B3GAT3: variants seen among roughly 807,000 people sequenced by gnomAD.
B3GAT3 encodes the protein galactosylgalactosylxylosylprotein 3-beta-glucuronosyltransferase 3.
Under a neutral mutation model 33.1 loss-of-function variants are expected in B3GAT3, and 19 were observed. That is an observed-to-expected ratio of 0.57 (90% confidence interval 0.40 to 0.84). The LOEUF (loss-of-function observed/expected upper bound fraction) is 0.84. Among genes scored for constraint, B3GAT3 ranks in the 40% least tolerant of loss-of-function variants. B3GAT3 has a pLI of 0.00. For synonymous variants in B3GAT3, 167 were observed against 193.5 expected, an observed-to-expected ratio of 0.86 and a Z score of 1.14; for missense variants, 344 against 441.5, an observed-to-expected ratio of 0.78 and a Z score of 1.98.
intron 1 of B3GAT3, chr11:62,621,099 G>A: frequency 2.2e-6 from 1 of 462,004 alleles, no homozygotes; most frequent in Non-Finnish European, 4.3e-6. Context: ...TTGCATAAGG[G>A]GCAGGGTTCG....
At chr11:62,619,686 C>T (rs1943105448) in intron 2 of B3GAT3, among the ~76,000 whole-genome samples, 1 of 131,202 alleles carries the variant, frequency 7.6e-6, no homozygotes, top group Non-Finnish European at 1.6e-5. Flanking sequence ...CATGCACCAT[C>T]ACGCCTAGCT....
At chr11:62,617,376 A>G in intron 2 of B3GAT3, 29 bp from the exon 3 acceptor site, 2 of 1,607,638 alleles carry the variant, frequency 1.2e-6, no homozygotes, top group Non-Finnish European at 1.7e-6. Context: ...GCACAAGGAA[A>G]AGGGGCAGGC....
rs1193371852 is a variant in B3GAT3 at position 62,615,669 on chromosome 11, G to C, written c.*32C>G. 6.2e-7 allele frequency: 1 copy of C among 1,607,064 alleles called. No individual in the cohort carries two copies. The highest frequency in any genetic ancestry group is 8.5e-7 in the Non-Finnish European group (1 of 1,177,806). On this transcript the variant is annotated 3_prime_UTR_variant, in exon 5 of 5. Coordinates refer to ENST00000265471, the MANE Select transcript of B3GAT3 (RefSeq NM_012200.4). Reference sequence around the variant, plus strand: ...GCCCAGTCCCACAAGGTCTGTGCCTGAAAAGAGGTGGTAGTTGGGGTGGGG... The same window carrying C: ...GCCCAGTCCCACAAGGTCTGTGCCTCAAAAGAGGTGGTAGTTGGGGTGGGG...
chr11:62,621,855 G>A lies in B3GAT3; in HGVS notation c.82+11C>T, dbSNP rs1943151993. 2 of 1,608,878 alleles carry A rather than the reference G, an allele frequency of 1.2e-6. No individual in the cohort carries two copies. Among genetic ancestry groups the A allele is most frequent in the East Asian group, 2.2e-5 (1 of 44,602 alleles). The stretch of plus-strand genomic sequence containing the variant: ...GGCCAGCCCGCCGCACCCCCGCCCC[G>A]CCCCGCTCACCGAGCTGTACCAGCG... On this transcript the variant is annotated intron_variant, in intron 1 of 4. Coordinates refer to ENST00000265471, the MANE Select transcript of B3GAT3 (RefSeq NM_012200.4).
At position 62,616,715 on chromosome 11, in the gene B3GAT3, C is replaced by G; in HGVS notation, c.700G>C (p.Gly234Arg). Residue 234 changes from glycine (G) to arginine (R), a missense_variant, in exon 4 of 5, where the codon GGC (glycine) becomes CGC (arginine). By Grantham distance (125) the Gly-to-Arg change is moderately radical. Coordinates refer to ENST00000265471, the MANE Select transcript of B3GAT3 (RefSeq NM_012200.4). ...GCTGTGTGGAAGCCCACTACCCGGCCGTCCTGTACCTGAGGGCCCTCGAAT... is the reference window on the plus strand; with the variant it reads ...GCTGTGTGGAAGCCCACTACCCGGCGGTCCTGTACCTGAGGGCCCTCGAAT... ...LRFEGPQVQD[G>R]RVVGFHTAWE... 6.2e-7 allele frequency: 1 copy of G among 1,614,088 alleles called. No individual in the cohort carries two copies.
Position 62,621,894 on chromosome 11 carries a change from G to A in B3GAT3, c.54C>T (p.Ala18=), listed in dbSNP as rs763830659. The A allele has an allele frequency of 9.9e-6, 16 of 1,612,884 alleles. No individual in the cohort carries two copies. Among genetic ancestry groups the A allele is most frequent in the Non-Finnish European group, 1.3e-5 (15 of 1,179,354 alleles). The change falls in exon 1 of 5, where the codon GCC becomes GCT. Residue 18 remains alanine (A), a synonymous_variant. Coordinates refer to ENST00000265471, the MANE Select transcript of B3GAT3 (RefSeq NM_012200.4). ...GCTGTACCAGCGCGTAGAGGAGGCC[G>A]GCGATCGACACCAGGAAGTAGGCGA... ...VFLAYFLVSI[A]GLLYALVQLG...
At chr11:62,616,332 A>G (rs1411125719) in intron 4 of B3GAT3, 174 bp downstream of exon 4, 3 of 917,406 alleles carry the variant, frequency 3.3e-6, no homozygotes, top group East Asian at 2.6e-5. Context: ...GAGTGGCAGG[A>G]GACCACTTTC....
At chr11:62,619,699 C>CTCTTTT in intron 2 of B3GAT3, among the ~76,000 whole-genome samples, 2 of 85,698 alleles carry the variant, frequency 2.3e-5, no homozygotes, top group Non-Finnish European at 4.1e-5. Context: ...GCCTAGCTAA[C>CTCTTTT]TTTTTTTTTT....
chr11:62,615,964 G>A, intron 4 of B3GAT3, 165 bp from the exon 5 acceptor site: 1 of 1,496,320 alleles, frequency 6.7e-7, no homozygotes, highest in Admixed American at 2.1e-5. Context: ...CCGGGCCTTG[G>A]CCGGGCGCGT....
intron 1 of B3GAT3, among the ~76,000 whole-genome samples, chr11:62,621,456 G>C (rs1432443584): frequency 6.6e-6 from 1 of 152,176 alleles, no homozygotes; most frequent in East Asian, 1.9e-4. Flanking sequence ...GCTAAGACCT[G>C]AAGGATGAGA....
rs574143024 is a variant in B3GAT3 at position 62,618,876 on chromosome 11, G to A, written c.258-1529C>T. Among the ~76,000 whole-genome samples, 9 of 152,164 alleles carry A rather than the reference G, an allele frequency of 5.9e-5. No individual in the cohort carries two copies. The South Asian group carries it at 1.5e-3, about 25-fold the overall frequency. ...CGCATGCTTGTAACCCCAGCTACTC[G>A]GGGGGCTGAGGCAGGAGAATTGCTT... On this transcript the variant is annotated intron_variant, in intron 2 of 4. Transcript: ENST00000265471.
rs760171087 is a variant in B3GAT3 at position 62,617,168 on chromosome 11, C to T, written c.437G>A (p.Arg146Gln). ...ATGAACCCAGCCAGGCTCGCCCTCC[C>T]GAAGCCGCTGGGCTTTGGGCGTGAG... is the stretch of plus-strand genomic sequence containing the variant. The part of the protein sequence containing the change: ...VVLTPKAQRL[R>Q]EGEPGWVHPR... Residue 146 changes from arginine to glutamine, a missense_variant, in exon 3 of 5, where the codon CGG (arginine) becomes CAG (glutamine). Transcript: ENST00000265471. The T allele has an allele frequency of 5.8e-5, 94 of 1,613,812 alleles. No individual in the cohort carries two copies. The highest frequency in any genetic ancestry group is 7.3e-5 in the Non-Finnish European group (86 of 1,179,974).
At chr11:62,620,090 C>G (rs1162907422) in intron 2 of B3GAT3, among the ~76,000 whole-genome samples, 2 of 152,174 alleles carry the variant, frequency 1.3e-5, no homozygotes, top group African/African-American at 4.8e-5. Flanking sequence ...ATAGCGCACT[C>G]TCAGCTCACT....
At position 62,617,341 on chromosome 11, in the gene B3GAT3, T is replaced by G; in HGVS notation, c.264A>C (p.Val88=). Residue 88 remains valine, a synonymous_variant, in exon 3 of 5, where the codon GTA becomes GTC. Transcript: ENST00000265471. The part of the protein sequence containing the change: ...YVVTPTYARL[V]QKAELVRLSQ... ...ACAGTCGTACCAGCTCTGCCTTCTGTACCAGCCTGCAGGGGAGAGATGCAG... is the reference window on the plus strand; with the variant it reads ...ACAGTCGTACCAGCTCTGCCTTCTGGACCAGCCTGCAGGGGAGAGATGCAG... 1 of 1,612,148 alleles carries G rather than the reference T, an allele frequency of 6.2e-7. No individual in the cohort carries two copies. Among genetic ancestry groups the G allele is most frequent in the African/African-American group, 1.3e-5 (1 of 75,034 alleles).
chr11:62,621,935 G>C lies in B3GAT3; in HGVS notation c.13C>G (p.Leu5Val), dbSNP rs779224920. 3 of 1,613,002 alleles carry C rather than the reference G, an allele frequency of 1.9e-6. No individual in the cohort carries two copies. The highest frequency in any genetic ancestry group is 2.2e-5 in the East Asian group (1 of 44,810). MKLK[L>V]KNVFLAYFLV... is the part of the protein sequence containing the mutation. ...AAGTAGGCGAGAAACACGTTCTTCA[G>C]CTTCAGCTTCATGGCCGCGCCGCCG... Residue 5 changes from leucine (L) to valine (V), a missense_variant, in exon 1 of 5, where the codon CTG becomes GTG. Physicochemically the swap from Leu to Val is conservative, Grantham distance 32. Coordinates refer to ENST00000265471, the MANE Select transcript of B3GAT3 (RefSeq NM_012200.4).
At chr11:62,620,743 G>T in intron 1 of B3GAT3, 72 bp from the exon 2 acceptor site, 1 of 1,438,180 alleles carries the variant, frequency 7.0e-7, no homozygotes, top group Non-Finnish European at 9.6e-7. Flanking sequence ...CATCCCAAAG[G>T]GCCGTAATCG....
intron 2 of B3GAT3, among the ~76,000 whole-genome samples, chr11:62,618,645 A>C (rs1943080301): frequency 6.7e-6 from 1 of 148,430 alleles, no homozygotes; most frequent in Admixed American, 6.8e-5. Context: ...TAGATGACAG[A>C]GCGAGACTCC....
intron 2 of B3GAT3, among the ~76,000 whole-genome samples, chr11:62,617,814 T>A (rs1590776452): frequency 6.7e-6 from 1 of 148,798 alleles, no homozygotes; most frequent in Non-Finnish European, 1.5e-5. Flanking sequence ...AAGGAGGAGG[T>A]TGGAGTGAGC....
intron 4 of B3GAT3, chr11:62,616,280 T>G (rs1483936756): frequency 1.5e-6 from 1 of 654,810 alleles, no homozygotes; most frequent in Admixed American, 2.9e-5. Flanking sequence ...GCCTTATTCC[T>G]TCATCCTCTC....
Sources: gnomAD v4.1 joint callset for allele counts (sites outside exome capture counted in the v4.1 genomes callset) on GRCh38, gnomAD v4.1.1 for gene constraint, MANE v1.5 for transcripts, NCBI Gene and HGNC (gene_info 2026-07-23, HGNC 2026-07-21) for gene names.